Variants in CASTOR2 observed in about 807,000 individuals in gnomAD.
CASTOR2 encodes cytosolic arginine sensor for mTORC1 subunit 2.
In CASTOR2, 8 loss-of-function variants were observed where a neutral mutation model predicts 31.2. The ratio of observed to expected loss-of-function variants is 0.26; its 90% CI spans 0.15 to 0.46. The LOEUF (loss-of-function observed/expected upper bound fraction) is 0.46. CASTOR2 is among the 20% of genes least tolerant of loss of function. The pLI is 0.99. For synonymous variants in CASTOR2, 162 were observed against 158.7 expected, an observed-to-expected ratio of 1.02 and a Z score of -0.16; for missense variants, 216 against 382.1, an observed-to-expected ratio of 0.57 and a Z score of 3.62.
intron 2 of CASTOR2, among the ~76,000 whole-genome samples, chr7:75,010,068 C>G (rs1401792736): frequency 2.6e-5 from 4 of 151,736 alleles, no homozygotes; most frequent in Non-Finnish European, 5.9e-5. Context: ...GTGCCTGGCT[C>G]TAGGCTTTTT....
intron 1 of CASTOR2, among the ~76,000 whole-genome samples, chr7:74,993,850 C>T (rs1487260472): frequency 2.5e-4 from 38 of 151,548 alleles, no homozygotes; most frequent in Non-Finnish European, 4.7e-4. Context: ...GCTACTTTAG[C>T]TGGTTCATAA....
At chr7:75,008,087 G>A (rs1554438954) in intron 2 of CASTOR2, 23 bp downstream of exon 2, 103 of 1,613,458 alleles carry the variant, frequency 6.4e-5, no homozygotes, top group Admixed American at 6.2e-4. Flanking sequence ...CTCCCTAGGG[G>A]CTCGGCTGGA....
chr7:74,996,368 A>G (rs1225568811), intron 1 of CASTOR2, among the ~76,000 whole-genome samples: 6 of 152,074 alleles, frequency 3.9e-5, no homozygotes, highest in African/African-American at 1.4e-4. Flanking sequence ...TGACAGGACA[A>G]CAACTCCAGC....
chr7:74,975,718 A>C (rs113916827), intron 1 of CASTOR2, among the ~76,000 whole-genome samples: 115,133 of 136,388 alleles, frequency 0.84, 49,319 homozygotes, highest in East Asian at 0.98. Context: ...AAGCTGGGAT[A>C]CCTCCACCCC....
At chr7:74,985,143 AAAG>A (rs1371588842) in intron 1 of CASTOR2, among the ~76,000 whole-genome samples, 4 of 152,080 alleles carry the variant, frequency 2.6e-5, no homozygotes, top group African/African-American at 9.7e-5. Context: ...TCTCAATAAA[AAAG>A]AACCACTCTA....
rs997835659 is a variant in CASTOR2, at chr7:75,029,413, G to C, written c.*4714G>C. ...GGCTGGAGTGCAGTGGTGCGATCTCGGTTCGCTGCAACCTCTGCTTCCCAG... is the reference window on the plus strand; with the variant it reads ...GGCTGGAGTGCAGTGGTGCGATCTCCGTTCGCTGCAACCTCTGCTTCCCAG... On this transcript the variant is annotated 3_prime_UTR_variant, in exon 9 of 9. Coordinates refer to ENST00000616305, the MANE Select transcript of CASTOR2 (RefSeq NM_001145064.3). 6.7e-6 allele frequency among the ~76,000 whole-genome samples: 1 copy of C among 149,108 alleles called. No homozygotes were observed. The highest frequency in any genetic ancestry group is 2.5e-5 in the African/African-American group (1 of 40,258).
intron 1 of CASTOR2, among the ~76,000 whole-genome samples, chr7:74,993,665 G>T (rs1370513116): frequency 6.6e-6 from 1 of 151,578 alleles, no homozygotes; most frequent in African/African-American, 2.4e-5. Flanking sequence ...TGCCCAGGCT[G>T]GTCTCGAACT....
chr7:74,981,738 T>A (rs1554436301), intron 1 of CASTOR2, among the ~76,000 whole-genome samples: 1 of 150,994 alleles, frequency 6.6e-6, no homozygotes, highest in Non-Finnish European at 1.5e-5. Context: ...ATTTTTTTTT[T>A]AATAATTTTT....
chr7:74,987,874 A>T (rs1477894567), intron 1 of CASTOR2, among the ~76,000 whole-genome samples: 1 of 151,702 alleles, frequency 6.6e-6, no homozygotes, highest in East Asian at 1.9e-4. Context: ...CAGCTGGCCA[A>T]TTTTTGTATT....
Position 74,991,713 on chromosome 7 carries a change from C to T in CASTOR2, c.114-16281C>T, listed in dbSNP as rs1169118184. 2.0e-5 allele frequency among the ~76,000 whole-genome samples: 3 copies of T among 152,094 alleles called. No homozygotes were observed. The East Asian group carries it at 5.8e-4, about 29-fold the overall frequency. Reference sequence around the variant, plus strand: ...GAGCATGGTTCGTGAAGGTGTCAACCCTAAGACCTGAAGGCTGGGGAGTGG... The same window carrying T: ...GAGCATGGTTCGTGAAGGTGTCAACTCTAAGACCTGAAGGCTGGGGAGTGG... On this transcript the variant is annotated intron_variant, in intron 1 of 8. Transcript: ENST00000616305.
chr7:75,009,606 T>A (rs1804691447), intron 2 of CASTOR2, among the ~76,000 whole-genome samples: 1 of 151,890 alleles, frequency 6.6e-6, no homozygotes, highest in African/African-American at 2.4e-5. Flanking sequence ...AAATTAAAAT[T>A]AAGTGGCCCC....
intron 7 of CASTOR2, among the ~76,000 whole-genome samples, chr7:75,022,676 G>A (rs1306170094): frequency 3.3e-5 from 5 of 152,174 alleles, no homozygotes; most frequent in African/African-American, 9.7e-5. Context: ...GCGTGCGCCT[G>A]TAATCCCAGC....
chr7:75,009,946 C>T (rs1369478283), intron 2 of CASTOR2, among the ~76,000 whole-genome samples: 46 of 144,990 alleles, frequency 3.2e-4, no homozygotes, highest in African/African-American at 1.1e-3. Flanking sequence ...GGCTGGAGTA[C>T]AGTGGCTAAT....
At chr7:75,014,627 C>T (rs1245302713) in intron 2 of CASTOR2, among the ~76,000 whole-genome samples, 1 of 152,100 alleles carries the variant, frequency 6.6e-6, no homozygotes, top group African/African-American at 2.4e-5. Flanking sequence ...TGGGTTCTTT[C>T]CCAGGCTGAG....
In CASTOR2 at chr7:75,024,439, G is replaced by A; in HGVS notation, c.830-1G>A. The A allele has an allele frequency of 6.4e-7, 1 of 1,551,588 alleles. No individual in the cohort carries two copies. Among genetic ancestry groups the A allele is most frequent in the Non-Finnish European group, 8.7e-7 (1 of 1,146,848 alleles). On this transcript the variant is annotated splice_acceptor_variant, in intron 7 of 8. Coordinates refer to ENST00000616305, the MANE Select transcript of CASTOR2 (RefSeq NM_001145064.3). LOFTEE classifies it high-confidence loss of function. ...GCTAAGGACGGTCTCTCCTGTTCTAGATGAGTGTGGCATCGTGGCCCAGAT... is the reference window on the plus strand; with the variant it reads ...GCTAAGGACGGTCTCTCCTGTTCTAAATGAGTGTGGCATCGTGGCCCAGAT...
intron 2 of CASTOR2, among the ~76,000 whole-genome samples, chr7:75,011,342 T>G (rs1804738517): frequency 6.8e-6 from 1 of 147,406 alleles, no homozygotes; most frequent in Non-Finnish European, 1.5e-5. Flanking sequence ...GGAAGGAGAA[T>G]CACCTGAACC....
At chr7:75,015,303 T>TAAAA (rs1804840963) in intron 2 of CASTOR2, among the ~76,000 whole-genome samples, 1 of 152,216 alleles carries the variant, frequency 6.6e-6, no homozygotes, top group South Asian at 2.1e-4. Context: ...AGGGTCTGGC[T>TAAAA]GTGTCACCTA....
intron 2 of CASTOR2, among the ~76,000 whole-genome samples, chr7:75,013,760 C>T (rs1398007430): frequency 9.2e-5 from 14 of 152,162 alleles, no homozygotes; most frequent in Admixed American, 7.9e-4. Context: ...CTGAGTCTCG[C>T]TCTGTCACCC....
At chr7:75,023,764 A>G (rs1805062673) in intron 7 of CASTOR2, among the ~76,000 whole-genome samples, 1 of 152,164 alleles carries the variant, frequency 6.6e-6, no homozygotes, top group Non-Finnish European at 1.5e-5. Flanking sequence ...TTAAATAGCC[A>G]GATCTCGTGA....
Sources: gnomAD v4.1 joint callset for allele counts (sites outside exome capture counted in the v4.1 genomes callset) on GRCh38, gnomAD v4.1.1 for gene constraint, MANE v1.5 for transcripts, NCBI Gene and HGNC (gene_info 2026-07-23, HGNC 2026-07-21) for gene names.